GPN2: variants seen among roughly 807,000 people sequenced by gnomAD.
GPN2 encodes ATP-binding domain 1 family member B.
Under a neutral mutation model 30.1 loss-of-function variants are expected in GPN2, and 27 were observed. That is an observed-to-expected ratio of 0.90 (90% CI 0.66 to 1.24). GPN2 has a LOEUF of 1.24. Ranked by LOEUF, GPN2 falls within the 50% of genes most tolerant of loss-of-function variation. The pLI, the probability that GPN2 is intolerant of heterozygous loss-of-function variation, is 0.00. For synonymous variants in GPN2, 212 were observed against 174.4 expected, an observed-to-expected ratio of 1.22 and a Z score of -1.70; for missense variants, 406 against 405.4, an observed-to-expected ratio of 1.00 and a Z score of -0.01.
At chr1:26,881,128 C>A (rs547274681) in intron 4 of GPN2, among the ~76,000 whole-genome samples, 2 of 152,264 alleles carry the variant, frequency 1.3e-5, no homozygotes, top group Admixed American at 6.5e-5. Context: ...TGAATAGAAT[C>A]CTTTATATAT....
Position 26,884,163 on chromosome 1 carries a change from G to A in GPN2, c.857C>T (p.Ser286Phe), listed in dbSNP as rs561320107. Residue 286 changes from serine (S) to phenylalanine (F), a missense_variant, in exon 4 of 5, where the codon TCT becomes TTT. Ser to Phe is a radical substitution (Grantham distance 155, BLOSUM62 -2). Coordinates refer to ENST00000374135, the MANE Select transcript of GPN2 (RefSeq NM_018066.4). Reference sequence around the variant, plus strand: ...GCCAGGAAGCTGGCAAGGATACGAAGAGAAATGGAAGTCGGCTCCCATTGC... The same window carrying A: ...GCCAGGAAGCTGGCAAGGATACGAAAAGAAATGGAAGTCGGCTCCCATTGC... The part of the protein sequence containing the change: ...SAAMGADFHF[S>F]STLGIQEKYL... 1.2e-6 allele frequency: 2 copies of A among 1,612,146 alleles called. No homozygotes were observed. Among genetic ancestry groups the A allele is most frequent in the Admixed American group, 1.7e-5 (1 of 59,836 alleles).
At chr1:26,880,828 T>C (rs2081860653) in intron 4 of GPN2, among the ~76,000 whole-genome samples, 1 of 114,198 alleles carries the variant, frequency 8.8e-6, no homozygotes. Flanking sequence ...TGCCTTTGCA[T>C]GTTCTCTTAA....
intron 2 of GPN2, among the ~76,000 whole-genome samples, chr1:26,887,798 T>TG (rs1384447815): frequency 1.3e-5 from 2 of 152,008 alleles, no homozygotes; most frequent in Non-Finnish European, 2.9e-5. Flanking sequence ...CCTGACCTCG[T>TG]GATCCACCTG....
chr1:26,889,249 C>T, intron 1 of GPN2, 124 bp from the exon 2 acceptor site: 1 of 733,966 alleles, frequency 1.4e-6, no homozygotes, highest in South Asian at 2.0e-5. Context: ...CTGTTTCTTT[C>T]TAATAACCAC....
At chr1:26,884,420 A>T in intron 3 of GPN2, 130 bp from the exon 4 acceptor site, 1 of 823,096 alleles carries the variant, frequency 1.2e-6, no homozygotes, top group Non-Finnish European at 1.8e-6. Context: ...GTAGTTCTAC[A>T]TGTCCCCAAA....
At chr1:26,886,252 A>G in intron 2 of GPN2, 119 bp from the exon 3 acceptor site, 1 of 681,550 alleles carries the variant, frequency 1.5e-6, no homozygotes, top group Non-Finnish European at 2.5e-6. Context: ...TTGACACAGT[A>G]AAATGAAGTT....
chr1:26,881,491 T>C (rs1338283594), intron 4 of GPN2, among the ~76,000 whole-genome samples: 1 of 152,260 alleles, frequency 6.6e-6, no homozygotes, highest in Non-Finnish European at 1.5e-5. Flanking sequence ...CCATCATAAG[T>C]TGGGAACCAT....
At position 26,888,800 on chromosome 1, in the gene GPN2, G is replaced by A. The variant is rs542751913; in HGVS notation, c.568+169C>T. On this transcript the variant is annotated intron_variant, in intron 2 of 4. Transcript: ENST00000374135. Reference sequence around the variant, plus strand: ...CTCTCTTGTCTCCAAAATCTACAACGGTAACTAGCACAGAGTGGCACAAAA... The same window carrying A: ...CTCTCTTGTCTCCAAAATCTACAACAGTAACTAGCACAGAGTGGCACAAAA... 7.4e-6 allele frequency: 5 copies of A among 671,544 alleles called. No homozygotes were observed. The East Asian group carries it at 7.5e-5, about 10-fold the overall frequency. 41.6% of individuals were successfully genotyped at this position (671,544 alleles called of 1,614,324 possible).
chr1:26,888,925 G>C (rs765642525), intron 2 of GPN2, 44 bp downstream of exon 2: 1 of 1,601,926 alleles, frequency 6.2e-7, no homozygotes, highest in Non-Finnish European at 8.5e-7. Context: ...CTTCATTCTA[G>C]CCCAGCTGCT....
intron 4 of GPN2, among the ~76,000 whole-genome samples, chr1:26,882,752 A>G (rs1409978917): frequency 6.6e-6 from 1 of 152,182 alleles, no homozygotes; most frequent in Non-Finnish European, 1.5e-5. Context: ...CAGCCTCATT[A>G]GTCACTAACC....
chr1:26,885,743 C>A (rs1418520863), intron 3 of GPN2, among the ~76,000 whole-genome samples: 1 of 152,060 alleles, frequency 6.6e-6, no homozygotes, highest in African/African-American at 2.4e-5. Flanking sequence ...CCACGCCCAG[C>A]TAATTTTTTG....
At chr1:26,886,328 T>A in intron 2 of GPN2, 195 bp from the exon 3 acceptor site, 1 of 614,428 alleles carries the variant, frequency 1.6e-6, no homozygotes, top group Admixed American at 2.5e-5. Context: ...TAGGCAGGTA[T>A]CTACTTCATA....
intron 2 of GPN2, 26 bp from the exon 3 acceptor site, chr1:26,886,159 A>G (rs991435365): frequency 3.8e-6 from 6 of 1,592,724 alleles, no homozygotes; most frequent in Non-Finnish European, 4.3e-6. Context: ...AGTGTTCAGG[A>G]GCAACCAGTA....
Position 26,890,038 on chromosome 1 carries a change from G to C in GPN2, c.59C>G (p.Ser20Ter). ...FGQAVIGPPGSGKTTYCLGMS... is the reference protein window; with the variant it reads ...FGQAVIGPPG Reference sequence around the variant, plus strand: ...GCCCAGGCAGTACGTGGTCTTCCCTGAGCCCGGCGGGCCGATCACCGCCTG... The same window carrying C: ...GCCCAGGCAGTACGTGGTCTTCCCTCAGCCCGGCGGGCCGATCACCGCCTG... The change falls in exon 1 of 5, where the codon TCA (serine) becomes TGA (stop). Residue 20 changes from serine to a stop codon, truncating the protein, a stop_gained. Transcript: ENST00000374135. LOFTEE classifies it high-confidence loss of function. The C allele has an allele frequency of 6.3e-7, 1 of 1,589,898 alleles. No individual in the cohort carries two copies. The highest frequency in any genetic ancestry group is 8.5e-7 in the Non-Finnish European group (1 of 1,174,308).
In GPN2 at chr1:26,889,988, C is replaced by T. The variant is rs2081912817; in HGVS notation, c.109G>A (p.Gly37Ser). The T allele has an allele frequency of 6.2e-7, 1 of 1,602,038 alleles. No individual in the cohort carries two copies. Among genetic ancestry groups the T allele is most frequent in the South Asian group, 1.1e-5 (1 of 90,946 alleles). ...LGMSEFLRAL[G>S]RRVAVVNLDP... ...AGGTTCACCACCGCCACGCGCCGGCCCAGCGCGCGCAGGAACTCACTCATG... is the reference window on the plus strand; with the variant it reads ...AGGTTCACCACCGCCACGCGCCGGCTCAGCGCGCGCAGGAACTCACTCATG... Residue 37 changes from glycine to serine, a missense_variant, in exon 1 of 5, where the codon GGC becomes AGC. Transcript: ENST00000374135.
At chr1:26,884,883 G>A (rs2123999057) in intron 3 of GPN2, among the ~76,000 whole-genome samples, 1 of 152,290 alleles carries the variant, frequency 6.6e-6, no homozygotes, top group South Asian at 2.1e-4. Flanking sequence ...TTGGGAAGCT[G>A]AGGCAGGAGA....
chr1:26,879,696 T>C lies in GPN2; in HGVS notation c.914A>G (p.Gln305Arg). 1 of 1,613,882 alleles carries C rather than the reference T, an allele frequency of 6.2e-7. No individual in the cohort carries two copies. The highest frequency in any genetic ancestry group is 1.1e-5 in the South Asian group (1 of 91,042). Residue 305 changes from glutamine (Q) to arginine (R), a missense_variant, in exon 5 of 5, where the codon CAG (glutamine) becomes CGG (arginine). By Grantham distance (43) the Gln-to-Arg change is conservative. Transcript: ENST00000374135. Reference sequence around the variant, plus strand: ...TTGTTGCTACAGCTGCATGGCTTCCTGCTCCACTGACTGGTTCGAGGGTGC... The same window carrying C: ...TTGTTGCTACAGCTGCATGGCTTCCCGCTCCACTGACTGGTTCGAGGGTGC... ...YLAPSNQSVE[Q>R]EAMQL
chr1:26,876,848 T>C lies in GPN2; in HGVS notation c.*2829A>G, dbSNP rs1341917114. 2.0e-5 allele frequency: 3 copies of C among 151,826 alleles called. No homozygotes were observed. The highest frequency in any genetic ancestry group is 4.4e-5 in the Non-Finnish European group (3 of 67,972). The allele number at this position is 151,826 out of a possible 1,614,324, so 9.4% of individuals were successfully genotyped here. ...ATTACTCCCACCCATCTCCACTCCA[T>C]GGGTGCAGAGAATGCTGAGGGTGCT... On this transcript the variant is annotated 3_prime_UTR_variant, in exon 5 of 5. Transcript: ENST00000374135.
At position 26,877,733 on chromosome 1, in the gene GPN2, T is replaced by C. The variant is rs2081844082; in HGVS notation, c.*1944A>G. The C allele has an allele frequency of 6.6e-6, 1 of 152,210 alleles. No individual in the cohort carries two copies. Among genetic ancestry groups the C allele is most frequent in the South Asian group, 2.1e-4 (1 of 4,832 alleles). The allele number at this position is 152,210 out of a possible 1,614,324, so 9.4% of individuals were successfully genotyped here. A position where few individuals can be genotyped will look rare whatever the true frequency, so the allele number is the denominator to read the frequency against. ...ACTCTAAAATACCAAGCACTTCATATGTGTTAATAAGTCCAAATGTGGCCG... is the reference window on the plus strand; with the variant it reads ...ACTCTAAAATACCAAGCACTTCATACGTGTTAATAAGTCCAAATGTGGCCG... On this transcript the variant is annotated 3_prime_UTR_variant, in exon 5 of 5. Coordinates refer to ENST00000374135, the MANE Select transcript of GPN2 (RefSeq NM_018066.4).
Sources: allele counts gnomAD v4.1 joint callset (sites outside exome capture counted in the v4.1 genomes callset), GRCh38; gene constraint gnomAD v4.1.1; transcripts MANE v1.5; gene names NCBI Gene and HGNC (gene_info 2026-07-23, HGNC 2026-07-21).